STIM1: variants seen among roughly 807,000 people sequenced by gnomAD.
STIM1 encodes the protein stromal interaction molecule 1.
STIM1 carries 25 observed loss-of-function variants against 74.7 expected under a neutral mutation model. The ratio of observed to expected loss-of-function variants is 0.33; its 90% CI spans 0.24 to 0.47. The LOEUF (loss-of-function observed/expected upper bound fraction) is 0.47. STIM1 is among the 20% of genes least tolerant of loss of function. The pLI, the probability that STIM1 is intolerant of heterozygous loss-of-function variation, is 1.00. For missense variants in STIM1, 728 were observed against 920.8 expected (o/e 0.79, Z 2.71); for synonymous variants, 328 against 348.8 (o/e 0.94, Z 0.66).
rs1458500723 is a variant in STIM1, at chr11:3,856,426, G to A, written c.139+17G>A. On this transcript the variant is annotated intron_variant, in intron 1 of 12. Transcript: ENST00000526596. ...CTGCAGCAGGTAAGGCCTTGCTGCG[G>A]GCTGGACTGGGCTGGAGGCTTTGGC... 6.2e-7 allele frequency: 1 copy of A among 1,611,600 alleles called. No individual in the cohort carries two copies.
At chr11:3,960,181 T>A (rs1212462971) in intron 1 of STIM1, among the ~76,000 whole-genome samples, 1 of 152,110 alleles carries the variant, frequency 6.6e-6, no homozygotes, top group Non-Finnish European at 1.5e-5. Flanking sequence ...AGCACTATCA[T>A]TAGTTGAAAG....
intron 1 of STIM1, among the ~76,000 whole-genome samples, chr11:3,877,788 T>C (rs1266359936): frequency 1.3e-5 from 2 of 152,136 alleles, no homozygotes; most frequent in Admixed American, 6.5e-5. Context: ...CAAGGGCCAG[T>C]AGGATTTATC....
intron 2 of STIM1, chr11:3,989,366 C>T (rs1210016780): frequency 5.1e-6 from 4 of 786,172 alleles, no homozygotes; most frequent in African/African-American, 1.7e-5. Flanking sequence ...TTCGCTTCCA[C>T]TTTTGCAGGA....
At chr11:4,067,601 G>C (rs1441362269) in intron 5 of STIM1, among the ~76,000 whole-genome samples, 1 of 152,218 alleles carries the variant, frequency 6.6e-6, no homozygotes, top group Non-Finnish European at 1.5e-5. Context: ...CAATGTAGTT[G>C]GGCAAATCTG....
chr11:4,088,699 C>G, intron 12 of STIM1: 1 of 1,535,736 alleles, frequency 6.5e-7, no homozygotes. Flanking sequence ...CACCACGCAC[C>G]AGAGGATCAT....
intron 2 of STIM1, among the ~76,000 whole-genome samples, chr11:3,997,809 A>G (rs1315358029): frequency 6.6e-6 from 1 of 152,224 alleles, no homozygotes; most frequent in East Asian, 1.9e-4. Flanking sequence ...GGTCTTGCAT[A>G]AAGTTGTAAA....
At chr11:4,034,402 CTGTT>C (rs1439377347) in intron 3 of STIM1, among the ~76,000 whole-genome samples, 2 of 151,868 alleles carry the variant, frequency 1.3e-5, no homozygotes, top group Non-Finnish European at 2.9e-5. Flanking sequence ...CATGGTTTTT[CTGTT>C]TGTTTGTTAA....
chr11:3,873,266 A>C (rs1249944700), intron 1 of STIM1, among the ~76,000 whole-genome samples: 2 of 151,996 alleles, frequency 1.3e-5, no homozygotes, highest in African/African-American at 4.8e-5. Flanking sequence ...AAATACAAAA[A>C]AATTAGCTGA....
chr11:3,878,153 G>C (rs1439579254), intron 1 of STIM1, among the ~76,000 whole-genome samples: 3 of 152,122 alleles, frequency 2.0e-5, no homozygotes, highest in Non-Finnish European at 2.9e-5. Flanking sequence ...TTCGGGAGCT[G>C]AGCATTGCTG....
At chr11:4,091,192 TCTC>T (rs2094522379) in intron 12 of STIM1, 87 bp from the exon 13 acceptor site, 2 of 1,581,712 alleles carry the variant, frequency 1.3e-6, no homozygotes, top group African/African-American at 2.7e-5. Flanking sequence ...GTCCTTGTCT[TCTC>T]GTGTTGTCCC....
intron 2 of STIM1, among the ~76,000 whole-genome samples, chr11:4,008,070 T>G (rs772187953): frequency 2.0e-5 from 3 of 152,106 alleles, no homozygotes; most frequent in Non-Finnish European, 4.4e-5. Context: ...ATAGGCCACA[T>G]AAGGACATTC....
At chr11:4,028,361 C>A (rs183811058) in intron 3 of STIM1, among the ~76,000 whole-genome samples, 11 of 151,902 alleles carry the variant, frequency 7.2e-5, no homozygotes, top group African/African-American at 2.7e-4. Flanking sequence ...GGATTACAGG[C>A]GTGAGCCACT....
At chr11:4,003,940 C>A (rs2093749471) in intron 2 of STIM1, among the ~76,000 whole-genome samples, 2 of 152,114 alleles carry the variant, frequency 1.3e-5, no homozygotes, top group African/African-American at 4.8e-5. Context: ...TTCTTATACA[C>A]CAATAACAGA....
At chr11:3,907,524 T>A (rs142072199) in intron 1 of STIM1, among the ~76,000 whole-genome samples, 5 of 152,276 alleles carry the variant, frequency 3.3e-5, no homozygotes, top group Admixed American at 6.5e-5. Context: ...CTGATCCACG[T>A]TACCATCGTC....
intron 1 of STIM1, among the ~76,000 whole-genome samples, chr11:3,901,079 T>G (rs2092335843): frequency 6.6e-6 from 1 of 152,182 alleles, no homozygotes; most frequent in Admixed American, 6.5e-5. Flanking sequence ...TAGTCCCATC[T>G]GCTCTGGAGG....
chr11:3,895,703 TTTCTTTCTTTC>T (rs2092095308), intron 1 of STIM1, among the ~76,000 whole-genome samples: 4 of 32,902 alleles, frequency 1.2e-4, no homozygotes, highest in East Asian at 1.1e-3. Flanking sequence ...TCTTTCTTTC[TTTCTTTCTTTC>T]TTTCTTTCTT....
intron 2 of STIM1, among the ~76,000 whole-genome samples, chr11:3,987,049 A>C (rs1304865138): frequency 6.6e-6 from 1 of 152,202 alleles, no homozygotes; most frequent in African/African-American, 2.4e-5. Flanking sequence ...CTGGGAAGTC[A>C]CTGGTAAGAT....
chr11:3,997,295 G>T (rs1358751597), intron 2 of STIM1, among the ~76,000 whole-genome samples: 1 of 152,214 alleles, frequency 6.6e-6, no homozygotes, highest in African/African-American at 2.4e-5. Context: ...AGGCAATGTT[G>T]CTGCCTTTGA....
intron 1 of STIM1, among the ~76,000 whole-genome samples, chr11:3,859,749 A>G (rs1162239820): frequency 6.6e-6 from 1 of 152,142 alleles, no homozygotes; most frequent in Non-Finnish European, 1.5e-5. Flanking sequence ...TGCTAATTTT[A>G]GCTGAGGGTG....
Sources: gnomAD v4.1 joint callset for allele counts (sites outside exome capture counted in the v4.1 genomes callset) on GRCh38, gnomAD v4.1.1 for gene constraint, MANE v1.5 for transcripts, NCBI Gene and HGNC (gene_info 2026-07-23, HGNC 2026-07-21) for gene names.